The following ABLIM3 variants were observed in gnomAD, a reference collection of about 807,000 sequenced individuals.
ABLIM3 encodes actin-binding LIM protein 3.
ABLIM3 carries 61 observed loss-of-function variants against 109.5 expected under a neutral mutation model. The observed-to-expected ratio is 0.56, with a 90% CI of 0.45 to 0.69. The LOEUF (loss-of-function observed/expected upper bound fraction) is 0.69. Ranked by LOEUF, ABLIM3 falls within the 30% of genes least tolerant of loss-of-function variation. The probability of loss-of-function intolerance (pLI) is 0.00; values close to 1 mark genes in which losing one functional copy is unlikely to be tolerated. For missense variants in ABLIM3, 796 were observed against 889.5 expected, an observed-to-expected ratio of 0.89 and a Z score of 1.34; for synonymous variants, 300 against 324.8, an observed-to-expected ratio of 0.92 and a Z score of 0.82.
intron 3 of ABLIM3, among the ~76,000 whole-genome samples, chr5:149,195,310 C>A (rs1449439406): frequency 6.6e-6 from 1 of 152,202 alleles, no homozygotes; most frequent in Non-Finnish European, 1.5e-5. Context: ...TCCTTCTGGG[C>A]CTTATATTTA....
intron 2 of ABLIM3, among the ~76,000 whole-genome samples, chr5:149,172,705 G>A (rs1040263613): frequency 5.3e-5 from 8 of 152,176 alleles, no homozygotes; most frequent in Non-Finnish European, 7.4e-5. Context: ...ATCCCCTGAG[G>A]CCCAGTAATT....
chr5:149,226,004 A>G (rs1313629547), intron 8 of ABLIM3, among the ~76,000 whole-genome samples: 64 of 121,128 alleles, frequency 5.3e-4, no homozygotes, highest in African/African-American at 2.3e-3. Flanking sequence ...ATATATATAT[A>G]TATATATATA....
intron 2 of ABLIM3, among the ~76,000 whole-genome samples, chr5:149,165,609 G>T (rs1754751355): frequency 6.6e-6 from 1 of 152,168 alleles, no homozygotes; most frequent in Admixed American, 6.5e-5. Context: ...TGAAGTAGCT[G>T]TTCACTTGAT....
intron 18 of ABLIM3, among the ~76,000 whole-genome samples, chr5:149,248,557 G>A (rs1242444898): frequency 6.6e-6 from 1 of 151,924 alleles, no homozygotes; most frequent in Non-Finnish European, 1.5e-5. Flanking sequence ...TGGGCATGGT[G>A]GTGGGCACCT....
Position 149,237,462 on chromosome 5 carries a change from T to A in ABLIM3, c.903T>A (p.Asn301Lys). 6.2e-7 allele frequency: 1 copy of A among 1,614,196 alleles called. No individual in the cohort carries two copies. The highest frequency in any genetic ancestry group is 1.6e-4 in the Middle Eastern group (1 of 6,062). Residue 301 changes from asparagine (N) to lysine (K), a missense_variant, in exon 11 of 24, where the codon AAT becomes AAA. Asn to Lys is a moderately conservative substitution (Grantham distance 94). Transcript: ENST00000309868. ...CTCTTCCCTAGGCTAAAGTGGATAA[T>A]GAGATCCTTAATTACAAAGACCTGG... ...PNRVICAKVD[N>K]EILNYKDLAA...
chr5:149,228,285 T>C (rs1020187224), intron 8 of ABLIM3, among the ~76,000 whole-genome samples: 1 of 152,174 alleles, frequency 6.6e-6, no homozygotes, highest in Admixed American at 6.5e-5. Context: ...ATCTGTAAAA[T>C]CAGCTTTCAC....
chr5:149,250,352 T>G, intron 19 of ABLIM3, 95 bp from the exon 20 acceptor site: 1 of 1,273,436 alleles, frequency 7.9e-7, no homozygotes, highest in South Asian at 1.2e-5. Flanking sequence ...CCTGCTAGGT[T>G]GGGAGCAGTG....
At chr5:149,246,412 A>C in intron 16 of ABLIM3, 70 bp from the exon 17 acceptor site, 1 of 1,483,002 alleles carries the variant, frequency 6.7e-7, no homozygotes, top group South Asian at 1.2e-5. Context: ...TCTTTTTTAA[A>C]AAAAAAATGC....
At chr5:149,151,151 C>A (rs7704741) in intron 2 of ABLIM3, among the ~76,000 whole-genome samples, 1 of 152,160 alleles carries the variant, frequency 6.6e-6, no homozygotes, top group Admixed American at 6.5e-5. Context: ...CTGAAAGCTG[C>A]GAGACAAATG....
In ABLIM3 at chr5:149,181,400, T is replaced by C. The variant is rs187165769; in HGVS notation, c.14-2052T>C. Among the ~76,000 whole-genome samples the C allele has an allele frequency of 3.7e-3, 562 of 152,338 alleles. 5 individuals carry two copies. The highest frequency in any genetic ancestry group is 3.5e-3 in the Non-Finnish European group (239 of 68,034). On this transcript the variant is annotated intron_variant, in intron 2 of 23. Coordinates refer to ENST00000309868, the MANE Select transcript of ABLIM3 (RefSeq NM_014945.5). ...CGCAGTTTTTGAAATATTTTGCATG[T>C]ATTGACCTATTTAATGAGTTAATTA...
chr5:149,252,069 T>C (rs1753978934), intron 21 of ABLIM3, 132 bp from the exon 22 acceptor site: 1 of 975,128 alleles, frequency 1.0e-6, no homozygotes. Context: ...AAGGACAAGG[T>C]CTCTGATGGT....
chr5:149,150,450 G>T (rs981162685), intron 2 of ABLIM3, among the ~76,000 whole-genome samples: 1 of 152,194 alleles, frequency 6.6e-6, no homozygotes, highest in African/African-American at 2.4e-5. Context: ...ATTACCTGAG[G>T]CTAAGAAGGG....
At chr5:149,154,741 C>T (rs1262985260) in intron 2 of ABLIM3, among the ~76,000 whole-genome samples, 2 of 152,190 alleles carry the variant, frequency 1.3e-5, no homozygotes, top group African/African-American at 4.8e-5. Context: ...CCTCCTTTGA[C>T]TATAAGCCAC....
chr5:149,229,938 T>C (rs981613745), intron 8 of ABLIM3, among the ~76,000 whole-genome samples: 9 of 152,186 alleles, frequency 5.9e-5, no homozygotes, highest in African/African-American at 2.2e-4. Context: ...CTGGAGTCTC[T>C]GAGGAATTAG....
chr5:149,248,275 T>C (rs1382122267), intron 18 of ABLIM3, among the ~76,000 whole-genome samples: 1 of 152,088 alleles, frequency 6.6e-6, no homozygotes, highest in African/African-American at 2.4e-5. Context: ...TTCATTGAGG[T>C]CTAGAATACA....
rs530440859 is a variant in ABLIM3, at chr5:149,239,647, C to T, written c.1075-112C>T. 2.5e-5 allele frequency: 36 copies of T among 1,451,544 alleles called. No individual in the cohort carries two copies. In the African/African-American group the frequency reaches 4.6e-4, roughly 18 times the overall value. 89.9% of individuals were successfully genotyped at this position (1,451,544 alleles called of 1,614,324 possible). ...GAGGAGGGGGGTCTCTGTATTCACACCTCAAACCCGAGAATCCCAGATTCC... is the reference window on the plus strand; with the variant it reads ...GAGGAGGGGGGTCTCTGTATTCACATCTCAAACCCGAGAATCCCAGATTCC... On this transcript the variant is annotated intron_variant, in intron 12 of 23. Transcript: ENST00000309868.
At chr5:149,202,202 A>C (rs549675440) in intron 5 of ABLIM3, among the ~76,000 whole-genome samples, 1 of 152,298 alleles carries the variant, frequency 6.6e-6, no homozygotes, top group East Asian at 1.9e-4. Flanking sequence ...ATATTTCTTC[A>C]GCTGAATGTG....
At chr5:149,203,786 CAT>C (rs1758714138) in intron 5 of ABLIM3, among the ~76,000 whole-genome samples, 13 of 152,226 alleles carry the variant, frequency 8.5e-5, no homozygotes. Flanking sequence ...CCACCACTAA[CAT>C]AGATTATTAC....
At chr5:149,234,999 A>G (rs1405311414) in intron 10 of ABLIM3, among the ~76,000 whole-genome samples, 1 of 152,162 alleles carries the variant, frequency 6.6e-6, no homozygotes, top group Non-Finnish European at 1.5e-5. Context: ...GAGCAACTCC[A>G]TTACTGAATG....
Sources: gnomAD v4.1 joint callset for allele counts (sites outside exome capture counted in the v4.1 genomes callset) on GRCh38, gnomAD v4.1.1 for gene constraint, MANE v1.5 for transcripts, NCBI Gene and HGNC (gene_info 2026-07-23, HGNC 2026-07-21) for gene names.